The following THSD4 variants were observed in gnomAD, a reference collection of about 807,000 sequenced individuals.
THSD4 encodes the protein thrombospondin type-1 domain-containing protein 4.
Under a neutral mutation model 119.0 loss-of-function variants are expected in THSD4, and 69 were observed. The observed-to-expected ratio is 0.58, with a 90% CI of 0.48 to 0.71. The LOEUF (loss-of-function observed/expected upper bound fraction) is 0.71, where lower values mean the gene tolerates loss of function less well. Ranked by LOEUF, THSD4 falls within the 30% of genes least tolerant of loss-of-function variation. The pLI is 0.00. For missense variants in THSD4, 1,393 were observed against 1,391.1 expected (o/e 1.00, Z -0.02); for synonymous variants, 524 against 540.4 (o/e 0.97, Z 0.42).
At chr15:71,470,319 A>G (rs911064348) in intron 7 of THSD4, among the ~76,000 whole-genome samples, 1 of 152,190 alleles carries the variant, frequency 6.6e-6, no homozygotes, top group Non-Finnish European at 1.5e-5. Context: ...GGGAACCAAT[A>G]AAATTGAGAA....
At chr15:71,405,147 C>G (rs1018248056) in intron 6 of THSD4, among the ~76,000 whole-genome samples, 5 of 152,156 alleles carry the variant, frequency 3.3e-5, no homozygotes, top group African/African-American at 1.2e-4. Context: ...CCTTGGCCTC[C>G]CAAAGTGCTG....
At chr15:71,108,784 G>A (rs187731481) in intron 1 of THSD4, among the ~76,000 whole-genome samples, 14 of 152,298 alleles carry the variant, frequency 9.2e-5, no homozygotes, top group Admixed American at 2.6e-4. Context: ...GAGGTCAAGC[G>A]ATGGAGACCA....
chr15:71,604,140 T>A (rs1440135753), intron 7 of THSD4, among the ~76,000 whole-genome samples: 3 of 151,996 alleles, frequency 2.0e-5, no homozygotes, highest in Admixed American at 6.6e-5. Context: ...GATAATGAAA[T>A]AAGTTTGGGC....
At chr15:71,689,750 T>C (rs2052006361) in intron 8 of THSD4, among the ~76,000 whole-genome samples, 1 of 152,226 alleles carries the variant, frequency 6.6e-6, no homozygotes, top group South Asian at 2.1e-4. Context: ...ATTGAGAAGA[T>C]GTACACATGA....
At chr15:71,274,917 A>C (rs2044573010) in intron 6 of THSD4, among the ~76,000 whole-genome samples, 1 of 152,144 alleles carries the variant, frequency 6.6e-6, no homozygotes, top group African/African-American at 2.4e-5. Context: ...ACTAAATAGG[A>C]ATGATTTTAA....
At chr15:71,321,242 C>T (rs1447505022) in intron 6 of THSD4, among the ~76,000 whole-genome samples, 1 of 152,034 alleles carries the variant, frequency 6.6e-6, no homozygotes, top group Non-Finnish European at 1.5e-5. Context: ...CTCTGTAAAA[C>T]TTTTGTTATC....
In THSD4 at chr15:71,731,175, A is replaced by G; in HGVS notation, c.1588A>G (p.Thr530Ala). The G allele has an allele frequency of 6.2e-7, 1 of 1,614,170 alleles. No individual in the cohort carries two copies. The highest frequency in any genetic ancestry group is 8.5e-7 in the Non-Finnish European group (1 of 1,180,022). Residue 530 changes from threonine to alanine, a missense_variant, in exon 10 of 18, where the codon ACC (threonine) becomes GCC (alanine). By Grantham distance (58) the Thr-to-Ala change is moderately conservative. Transcript: ENST00000261862. Reference sequence around the variant, plus strand: ...GCACTACGAGTACGTGATCATGGGGACCAACGCCATCAGCCCCCAGGTGCC... The same window carrying G: ...GCACTACGAGTACGTGATCATGGGGGCCAACGCCATCAGCCCCCAGGTGCC... ...GVHYEYVIMG[T>A]NAISPQVPPH...
At chr15:71,117,836 A>G (rs1266110283) in intron 1 of THSD4, among the ~76,000 whole-genome samples, 1 of 152,162 alleles carries the variant, frequency 6.6e-6, no homozygotes, top group South Asian at 2.1e-4. Flanking sequence ...AGGGACTGTT[A>G]CTATGTGCCA....
chr15:71,521,707 G>GT (rs2048443727), intron 7 of THSD4, among the ~76,000 whole-genome samples: 2 of 150,954 alleles, frequency 1.3e-5, no homozygotes, highest in South Asian at 4.2e-4. Context: ...ATCAGTTTGG[G>GT]GTTTTTTTTG....
chr15:71,301,533 G>T (rs2044950292), intron 6 of THSD4, among the ~76,000 whole-genome samples: 1 of 152,132 alleles, frequency 6.6e-6, no homozygotes, highest in African/African-American at 2.4e-5. Context: ...TAAAAAATGA[G>T]ATCTCTTCTG....
At chr15:71,381,011 T>C (rs1351562774) in intron 6 of THSD4, among the ~76,000 whole-genome samples, 1 of 152,210 alleles carries the variant, frequency 6.6e-6, no homozygotes, top group Non-Finnish European at 1.5e-5. Context: ...ATGCACCACC[T>C]AAAGTTTTGA....
At chr15:71,249,396 TTC>T (rs537244544) in intron 5 of THSD4, among the ~76,000 whole-genome samples, 233 of 148,842 alleles carry the variant, frequency 1.6e-3, no homozygotes, top group African/African-American at 5.4e-3. Context: ...TAGAAAGTTG[TTC>T]TCTTATTGAC....
chr15:71,737,051 C>T (rs578203338), intron 10 of THSD4, among the ~76,000 whole-genome samples: 2 of 152,254 alleles, frequency 1.3e-5, no homozygotes, highest in African/African-American at 4.8e-5. Context: ...TCAAAACTCA[C>T]ATAGTATTCC....
chr15:71,628,870 A>G (rs6494949), intron 7 of THSD4, among the ~76,000 whole-genome samples: 129,271 of 152,118 alleles, frequency 0.85, 55,163 homozygotes, highest in East Asian at 1. Context: ...CCCGGGAAAC[A>G]GGCAGAATGA....
chr15:71,404,263 C>T (rs1251431893), intron 6 of THSD4, among the ~76,000 whole-genome samples: 1 of 152,114 alleles, frequency 6.6e-6, no homozygotes, highest in African/African-American at 2.4e-5. Flanking sequence ...TCTCTTCAGG[C>T]CCTGGCAACC....
At chr15:71,706,390 G>T (rs1027476225) in intron 8 of THSD4, among the ~76,000 whole-genome samples, 1 of 152,192 alleles carries the variant, frequency 6.6e-6, no homozygotes, top group African/African-American at 2.4e-5. Flanking sequence ...TTTGGGACAT[G>T]TTGAACTGGA....
chr15:71,749,697 T>TTATTTATTTATTTATTTA (rs61573060), intron 14 of THSD4, among the ~76,000 whole-genome samples: 15 of 137,668 alleles, frequency 1.1e-4, no homozygotes, highest in East Asian at 8.4e-4. Context: ...ATTTTTAAAT[T>TTATTTATTTATTTATTTA]TTTATTTATT....
chr15:71,458,674 G>A (rs1234849813), intron 7 of THSD4, among the ~76,000 whole-genome samples: 1 of 152,156 alleles, frequency 6.6e-6, no homozygotes, highest in Middle Eastern at 3.2e-3. Flanking sequence ...AATGTTAACT[G>A]ATCATGTAAT....
chr15:71,582,908 C>G (rs2049588045), intron 7 of THSD4, among the ~76,000 whole-genome samples: 1 of 152,038 alleles, frequency 6.6e-6, no homozygotes, highest in Non-Finnish European at 1.5e-5. Flanking sequence ...ATTTTTGCAT[C>G]TGTATCTATC....
Sources: gnomAD v4.1 joint callset for allele counts (sites outside exome capture counted in the v4.1 genomes callset) on GRCh38, gnomAD v4.1.1 for gene constraint, MANE v1.5 for transcripts, NCBI Gene and HGNC (gene_info 2026-07-23, HGNC 2026-07-21) for gene names.